SCGN: variants seen among roughly 807,000 people sequenced by gnomAD.
SCGN encodes the protein secretagogin.
A neutral mutation model predicts 39.7 loss-of-function variants in SCGN; 30 were observed. The observed-to-expected ratio is 0.76, with a 90% CI of 0.57 to 1.03. The LOEUF (loss-of-function observed/expected upper bound fraction) is 1.03, where lower values mean the gene tolerates loss of function less well. Among genes scored for constraint, SCGN ranks in the 50% least tolerant of loss-of-function variants. SCGN has a pLI of 0.00. For synonymous variants in SCGN, 106 were observed against 114.1 expected (o/e 0.93, Z 0.45); for missense variants, 353 against 349.4 (o/e 1.01, Z -0.08).
chr6:25,687,543 A>G (rs1198558825), intron 7 of SCGN, among the ~76,000 whole-genome samples: 3 of 152,118 alleles, frequency 2.0e-5, no homozygotes, highest in African/African-American at 7.2e-5. Flanking sequence ...TTCTGCCAAC[A>G]TGCTGGATTT....
Position 25,701,567 on chromosome 6 carries a change from T to A in SCGN, c.*232T>A. On this transcript the variant is annotated 3_prime_UTR_variant, in exon 11 of 11. Transcript: ENST00000377961. ...TTTCCCTTGACCCTGGGCTTTCCTA[T>A]CCTCCCAAAGACTCAGCTCCCCTGT... 2.6e-6 allele frequency: 1 copy of A among 391,940 alleles called. No homozygotes were observed. The highest frequency in any genetic ancestry group is 4.5e-6 in the Non-Finnish European group (1 of 224,326). The allele number at this position is 391,940 out of a possible 1,614,324, so 24.3% of individuals were successfully genotyped here.
At chr6:25,669,607 G>A (rs769707663) in intron 5 of SCGN, 40 bp downstream of exon 5, 1 of 1,554,466 alleles carries the variant, frequency 6.4e-7, no homozygotes, top group East Asian at 2.3e-5. Context: ...GTTTATCATT[G>A]GGAATTTGAT....
At chr6:25,681,159 C>A (rs576176972) in intron 6 of SCGN, among the ~76,000 whole-genome samples, 1 of 152,300 alleles carries the variant, frequency 6.6e-6, no homozygotes, top group African/African-American at 2.4e-5. Context: ...TTAGTCCTAT[C>A]TTGTTTAAAG....
In SCGN at chr6:25,661,602, T is replaced by C; in HGVS notation, c.204T>C (p.Thr68=). The C allele has an allele frequency of 6.2e-7, 1 of 1,613,564 alleles. No individual in the cohort carries two copies. Among genetic ancestry groups the C allele is most frequent in the East Asian group, 2.2e-5 (1 of 44,870 alleles). ...ACAAGGTGAAACAGCAGTTTATGACTACCCAAGATGCCTCTAAAGATGGTC... is the reference window on the plus strand; with the variant it reads ...ACAAGGTGAAACAGCAGTTTATGACCACCCAAGATGCCTCTAAAGATGGTC... ...NLHKVKQQFM[T]TQDASKDGRI... Residue 68 remains threonine, a synonymous_variant, in exon 3 of 11, where the codon ACT becomes ACC. Coordinates refer to ENST00000377961, the MANE Select transcript of SCGN (RefSeq NM_006998.4).
At chr6:25,678,683 A>T (rs6900548) in intron 6 of SCGN, 5,154 of 152,478 alleles carry the variant, frequency 0.034, 237 homozygotes, top group African/African-American at 0.094. Flanking sequence ...GGAAGTAGGT[A>T]GGCTGGAAGT....
chr6:25,699,754 C>T lies in SCGN; in HGVS notation c.703-1453C>T, dbSNP rs563638973. 4.0e-4 allele frequency among the ~76,000 whole-genome samples: 61 copies of T among 152,178 alleles called. 1 individual carries two copies. Among genetic ancestry groups the T allele is most frequent in the African/African-American group, 1.4e-3 (58 of 41,504 alleles). On this transcript the variant is annotated intron_variant, in intron 10 of 10. Coordinates refer to ENST00000377961, the MANE Select transcript of SCGN (RefSeq NM_006998.4). ...TGTGCAAATAAAGGATTCAAACTTG[C>T]TTAGTTCTGATTGGTTATTGGAGCC...
intron 3 of SCGN, among the ~76,000 whole-genome samples, chr6:25,663,595 C>G (rs978629584): frequency 1.3e-5 from 2 of 152,082 alleles, no homozygotes; most frequent in African/African-American, 4.8e-5. Flanking sequence ...GAAACTGAGG[C>G]ACAGATATAT....
intron 4 of SCGN, among the ~76,000 whole-genome samples, chr6:25,667,617 A>G (rs1433295489): frequency 6.6e-6 from 1 of 152,164 alleles, no homozygotes; most frequent in African/African-American, 2.4e-5. Flanking sequence ...CACATGTCAT[A>G]TTGCTACCAT....
rs148553721 is a variant in SCGN at position 25,655,721 on chromosome 6, T to G, written c.153+2269T>G. Among the ~76,000 whole-genome samples, 13 of 152,306 alleles carry G rather than the reference T, an allele frequency of 8.5e-5. No individual in the cohort carries two copies. In the East Asian group the frequency reaches 2.1e-3, roughly 25 times the overall value. On this transcript the variant is annotated intron_variant, in intron 2 of 10. Transcript: ENST00000377961. ...TCATCCTGTAGGTATTTAAATACAT[T>G]TGGGGTCTGCCAAAGATCTTTCATT...
intron 4 of SCGN, among the ~76,000 whole-genome samples, chr6:25,668,134 A>T (rs1341089349): frequency 6.6e-6 from 1 of 152,050 alleles, no homozygotes; most frequent in East Asian, 1.9e-4. Context: ...CAGGACGCTG[A>T]TTGTGGTTAA....
chr6:25,691,526 A>G (rs1759773185), intron 10 of SCGN, among the ~76,000 whole-genome samples: 1 of 152,062 alleles, frequency 6.6e-6, no homozygotes, highest in Non-Finnish European at 1.5e-5. Flanking sequence ...TTTTTTTTTA[A>G]CTAAGAGGCT....
chr6:25,693,218 G>C (rs1174169426), intron 10 of SCGN, among the ~76,000 whole-genome samples: 3 of 152,110 alleles, frequency 2.0e-5, no homozygotes, highest in African/African-American at 7.2e-5. Flanking sequence ...TTGGGAGGCA[G>C]AGGCAGGTGG....
rs905580182 is a variant in SCGN at position 25,701,253 on chromosome 6, T to C, written c.749T>C (p.Leu250Pro). 15 of 1,613,578 alleles carry C rather than the reference T, an allele frequency of 9.3e-6. No individual in the cohort carries two copies. The highest frequency in any genetic ancestry group is 1.2e-5 in the Non-Finnish European group (14 of 1,179,858). Residue 250 changes from leucine to proline, a missense_variant, in exon 11 of 11, where the codon CTG (leucine) becomes CCG (proline). Leu to Pro is a moderately conservative substitution (Grantham distance 98). Coordinates refer to ENST00000377961, the MANE Select transcript of SCGN (RefSeq NM_006998.4). The stretch of plus-strand genomic sequence containing the variant: ...CTTGATAAGTTCCGCGAGATTCTCC[T>C]GCGTCACTGCGACGTGAACAAGGAT... ...VDLDKFREIL[L>P]RHCDVNKDGK...
intron 3 of SCGN, among the ~76,000 whole-genome samples, chr6:25,662,492 C>T (rs1014836939): frequency 6.6e-6 from 1 of 152,040 alleles, no homozygotes; most frequent in Non-Finnish European, 1.5e-5. Flanking sequence ...TTTTCATAGT[C>T]AAAATTGCCT....
rs549798796 is a variant in SCGN, at chr6:25,688,552, C to T, written c.528-620C>T. On this transcript the variant is annotated intron_variant, in intron 7 of 10. Transcript: ENST00000377961. Reference sequence around the variant, plus strand: ...TGCCGTGGCTCACGCCTGTAATCCCCGCACTTTGGGAGGCCGAGCCCGGCG... The same window carrying T: ...TGCCGTGGCTCACGCCTGTAATCCCTGCACTTTGGGAGGCCGAGCCCGGCG... Among the ~76,000 whole-genome samples, 55 of 152,174 alleles carry T rather than the reference C, an allele frequency of 3.6e-4. 1 individual carries two copies. Among genetic ancestry groups the T allele is most frequent in the African/African-American group, 1.1e-3 (45 of 41,538 alleles).
chr6:25,689,242 G>A lies in SCGN; in HGVS notation c.573+25G>A, dbSNP rs374418497. On this transcript the variant is annotated intron_variant, in intron 8 of 10. Coordinates refer to ENST00000377961, the MANE Select transcript of SCGN (RefSeq NM_006998.4). ...TGTAAGTAGTGACATTTCTCTAGAT[G>A]GGTTTATGTCATTGCTGTTTCTCTA... is the stretch of plus-strand genomic sequence containing the variant. 13 of 1,523,780 alleles carry A rather than the reference G, an allele frequency of 8.5e-6. No homozygotes were observed. In the African/African-American group the frequency reaches 1.1e-4, roughly 13 times the overall value. The allele number at this position is 1,523,780 out of a possible 1,614,324, so 94.4% of individuals were successfully genotyped here. A position where few individuals can be genotyped will look rare whatever the true frequency, so the allele number is the denominator to read the frequency against.
At chr6:25,675,574 A>C (rs535773687) in intron 6 of SCGN, among the ~76,000 whole-genome samples, 1 of 152,340 alleles carries the variant, frequency 6.6e-6, no homozygotes, top group Non-Finnish European at 1.5e-5. Context: ...GAGTGCACTC[A>C]AGATTCTCCT....
chr6:25,699,103 C>G (rs1374277872), intron 10 of SCGN, among the ~76,000 whole-genome samples: 1 of 152,112 alleles, frequency 6.6e-6, no homozygotes, highest in African/African-American at 2.4e-5. Context: ...CTTCCCAGAG[C>G]CCCTGAAATC....
At chr6:25,698,127 A>G (rs574074415) in intron 10 of SCGN, among the ~76,000 whole-genome samples, 1 of 152,334 alleles carries the variant, frequency 6.6e-6, no homozygotes, top group South Asian at 2.1e-4. Context: ...ATTTGTCTTC[A>G]GTGACACGTG....
Sources: gnomAD v4.1 joint callset for allele counts (sites outside exome capture counted in the v4.1 genomes callset) on GRCh38, gnomAD v4.1.1 for gene constraint, MANE v1.5 for transcripts, NCBI Gene and HGNC (gene_info 2026-07-23, HGNC 2026-07-21) for gene names.